Variants in SHANK2 observed in about 807,000 individuals in gnomAD.
SHANK2 encodes SH3 and multiple ankyrin repeat domains protein 2.
In SHANK2, 43 loss-of-function variants were observed where a neutral mutation model predicts 133.7. That is an observed-to-expected ratio of 0.32 (90% confidence interval 0.25 to 0.41). SHANK2 has a LOEUF of 0.41. Among genes scored for constraint, SHANK2 ranks in the 10% least tolerant of loss-of-function variants. The pLI is 1.00. For missense variants in SHANK2, 1,994 were observed against 2,235.8 expected, an observed-to-expected ratio of 0.89 and a Z score of 2.18; for synonymous variants, 1,017 against 952.8, an observed-to-expected ratio of 1.07 and a Z score of -1.24.
chr11:70,727,575 G>A (rs782409413), intron 14 of SHANK2, among the ~76,000 whole-genome samples: 33 of 152,326 alleles, frequency 2.2e-4, no homozygotes, highest in Non-Finnish European at 4.0e-4. Context: ...TGTAGCTTAC[G>A]CTCTAAGCTA....
Position 71,092,578 on chromosome 11 carries a change from C to T in SHANK2, c.756G>A (p.Glu252=). ...RNQVALKTLL[E]LGASPDYKDS... ...CTTTATAATCTGGGGATGCACCAAG[C>T]TCTAAAAGGGTCTAGGAAAAAAAAA... Residue 252 remains glutamate, a synonymous_variant, in exon 8 of 26, where the codon GAG becomes GAA. Transcript: ENST00000601538. 1 of 1,551,848 alleles carries T rather than the reference C, an allele frequency of 6.4e-7. No homozygotes were observed. The highest frequency in any genetic ancestry group is 8.7e-7 in the Non-Finnish European group (1 of 1,146,996).
chr11:70,512,322 C>A (rs547693938), intron 17 of SHANK2, among the ~76,000 whole-genome samples: 1 of 152,300 alleles, frequency 6.6e-6, no homozygotes, highest in East Asian at 1.9e-4. Flanking sequence ...ACTAATTTGG[C>A]TCTTTTTAAA....
intron 17 of SHANK2, among the ~76,000 whole-genome samples, chr11:70,546,421 T>G (rs1361378172): frequency 6.6e-6 from 1 of 152,148 alleles, no homozygotes; most frequent in African/African-American, 2.4e-5. Context: ...AAGTATCATC[T>G]CATTAACATA....
At chr11:71,086,635 C>A (rs1476294285) in intron 8 of SHANK2, among the ~76,000 whole-genome samples, 1 of 150,334 alleles carries the variant, frequency 6.7e-6, no homozygotes, top group Non-Finnish European at 1.5e-5. Context: ...CAGTTGAAGG[C>A]CTTAAGACTG....
At chr11:70,868,651 C>T (rs1437296750) in intron 11 of SHANK2, among the ~76,000 whole-genome samples, 5 of 152,234 alleles carry the variant, frequency 3.3e-5, no homozygotes, top group African/African-American at 1.2e-4. Flanking sequence ...CACAGTCAGC[C>T]TCACACCCCA....
chr11:71,080,497 G>T (rs1951284092), intron 8 of SHANK2, among the ~76,000 whole-genome samples: 1 of 152,220 alleles, frequency 6.6e-6, no homozygotes, highest in Non-Finnish European at 1.5e-5. Context: ...GCCCAGCACA[G>T]CAACCAGAGC....
intron 4 of SHANK2, among the ~76,000 whole-genome samples, chr11:71,118,366 T>C (rs1952019480): frequency 2.0e-5 from 3 of 152,174 alleles, no homozygotes. Flanking sequence ...AGAGGTTTAG[T>C]TGACTCACAG....
chr11:70,892,307 G>A (rs534013110), intron 11 of SHANK2, among the ~76,000 whole-genome samples: 8 of 152,280 alleles, frequency 5.3e-5, no homozygotes, highest in African/African-American at 1.2e-4. Context: ...ATCCTAGAGC[G>A]AGGGAGCCTG....
At chr11:70,482,949 AGG>A (rs1809568133) in intron 25 of SHANK2, among the ~76,000 whole-genome samples, 1 of 152,146 alleles carries the variant, frequency 6.6e-6, no homozygotes, top group Non-Finnish European at 1.5e-5. Flanking sequence ...AGACGAGTAG[AGG>A]GGATGAGCTG....
intron 17 of SHANK2, among the ~76,000 whole-genome samples, chr11:70,611,707 G>T (rs1452770051): frequency 6.6e-6 from 1 of 152,246 alleles, no homozygotes; most frequent in African/African-American, 2.4e-5. Flanking sequence ...CAAGATGGGA[G>T]GGTGTCCTGG....
chr11:71,120,702 C>T lies in SHANK2; in HGVS notation c.208-1670G>A, dbSNP rs79439965. Among the ~76,000 whole-genome samples, 176 of 152,308 alleles carry T rather than the reference C, an allele frequency of 1.2e-3. 2 individuals are homozygous for T. In the East Asian group the frequency reaches 0.027, roughly 23 times the overall value. ...AAGATTTCCAGACCCGCACCCTCCC[C>T]CATCCTTGGCTAAGCAAGGACTCTC... On this transcript the variant is annotated intron_variant, in intron 3 of 25. Transcript: ENST00000601538.
At chr11:70,577,041 C>T (rs1554984432) in intron 17 of SHANK2, among the ~76,000 whole-genome samples, 1 of 152,180 alleles carries the variant, frequency 6.6e-6, no homozygotes, top group African/African-American at 2.4e-5. Flanking sequence ...ACGGAGGCCA[C>T]GCCGCTGTCT....
chr11:70,795,429 G>A (rs1947889830), intron 14 of SHANK2, among the ~76,000 whole-genome samples: 1 of 97,584 alleles, frequency 1.0e-5, no homozygotes, highest in Non-Finnish European at 2.0e-5. Flanking sequence ...TTTTTGAGAT[G>A]GAGTCTTGCT....
intron 14 of SHANK2, among the ~76,000 whole-genome samples, chr11:70,758,242 C>G (rs892397829): frequency 6.6e-6 from 1 of 152,218 alleles, no homozygotes; most frequent in African/African-American, 2.4e-5. Context: ...TGGGTCCCCT[C>G]CCGTTGTATG....
chr11:70,720,009 G>A (rs959400388), intron 14 of SHANK2, among the ~76,000 whole-genome samples: 1 of 152,138 alleles, frequency 6.6e-6, no homozygotes, highest in Non-Finnish European at 1.5e-5. Context: ...ACCCCAGGCA[G>A]GTTCCTCAAC....
intron 15 of SHANK2, among the ~76,000 whole-genome samples, chr11:70,684,514 T>C (rs1370929732): frequency 6.6e-6 from 1 of 152,104 alleles, no homozygotes; most frequent in African/African-American, 2.4e-5. Context: ...GACCTATGAT[T>C]GCACCACTGT....
chr11:70,836,924 C>A (rs1948827686), intron 11 of SHANK2, among the ~76,000 whole-genome samples: 1 of 152,134 alleles, frequency 6.6e-6, no homozygotes, highest in Non-Finnish European at 1.5e-5. Context: ...GAGGTGGGAC[C>A]CCATGATGGG....
intron 15 of SHANK2, among the ~76,000 whole-genome samples, chr11:70,675,493 A>C (rs1944889825): frequency 6.6e-6 from 1 of 152,210 alleles, no homozygotes; most frequent in Non-Finnish European, 1.5e-5. Flanking sequence ...ACTGAACGAT[A>C]GTGATACTGA....
At chr11:70,528,790 T>G (rs2059431574) in intron 17 of SHANK2, among the ~76,000 whole-genome samples, 1 of 145,522 alleles carries the variant, frequency 6.9e-6, no homozygotes, top group African/African-American at 2.6e-5. Flanking sequence ...GGGTGAAAGG[T>G]GAAGGGGGGT....
Sources: allele counts gnomAD v4.1 joint callset (sites outside exome capture counted in the v4.1 genomes callset), GRCh38; gene constraint gnomAD v4.1.1; transcripts MANE v1.5; gene names NCBI Gene and HGNC (gene_info 2026-07-23, HGNC 2026-07-21).